Variants in CHRDL1 observed in about 807,000 individuals in gnomAD.
CHRDL1 encodes the protein chordin-like protein 1.
A neutral mutation model predicts 40.9 loss-of-function variants in CHRDL1; 19 were observed. That is an observed-to-expected ratio of 0.46 (90% CI 0.32 to 0.68). The LOEUF is 0.68. Ranked by LOEUF, CHRDL1 falls within the 30% of genes least tolerant of loss-of-function variation. CHRDL1 has a pLI of 0.03. For synonymous variants in CHRDL1, 136 were observed against 123.4 expected (o/e 1.10, Z -0.68); for missense variants, 329 against 352.1 (o/e 0.93, Z 0.53).
intron 4 of CHRDL1, among the ~76,000 whole-genome samples, chrX:110,737,577 C>T (rs2071284320): frequency 8.9e-6 from 1 of 112,005 alleles, no homozygotes. Context: ...TCATCTTATT[C>T]AGAACCTTCA....
chrX:110,689,564 A>C (rs779287413), intron 8 of CHRDL1, among the ~76,000 whole-genome samples: 37 of 18,933 alleles, frequency 2.0e-3, no homozygotes, highest in South Asian at 4.4e-3. Context: ...CTATATATCT[A>C]TATATATCTA....
rs757115663 is a variant in CHRDL1 at position 110,698,085 on chromosome X, A to G, written c.609+2569T>C. ...CCAGTCAGCTGTATTTCTGTTGAAC[A>G]GAGGTTTTGCTGGTTCCCGGTAAAT... On this transcript the variant is annotated intron_variant, in intron 7 of 11. Transcript: ENST00000372042. 1.5e-4 allele frequency among the ~76,000 whole-genome samples: 17 copies of G among 111,713 alleles called. No homozygotes were observed. The South Asian group carries it at 6.4e-3, about 42-fold the overall frequency.
chrX:110,737,896 G>A (rs911067148), intron 4 of CHRDL1, among the ~76,000 whole-genome samples: 4 of 111,457 alleles, frequency 3.6e-5, no homozygotes, highest in Non-Finnish European at 7.5e-5. Context: ...TTTCCCCAGG[G>A]GACATTTGGC....
chrX:110,766,666 A>G (rs963802448), intron 2 of CHRDL1, among the ~76,000 whole-genome samples: 8 of 103,139 alleles, frequency 7.8e-5, no homozygotes, highest in Non-Finnish European at 9.8e-5. Flanking sequence ...TGAACAAACC[A>G]ATAACAAGCA....
chrX:110,681,470 T>A lies in CHRDL1; in HGVS notation c.1156+12A>T, dbSNP rs754486305. On this transcript the variant is annotated intron_variant, in intron 10 of 11. Transcript: ENST00000372042. ...CCTTACAAAGATGAGAAATTAATGTTGTCTTGCTCACCCTTTCGAATAGTC... is the reference window on the plus strand; with the variant it reads ...CCTTACAAAGATGAGAAATTAATGTAGTCTTGCTCACCCTTTCGAATAGTC... The A allele has an allele frequency of 6.7e-6, 8 of 1,191,965 alleles. No individual in the cohort carries two copies. Among genetic ancestry groups the A allele is most frequent in the Non-Finnish European group, 1.1e-6 (1 of 881,905 alleles).
intron 4 of CHRDL1, among the ~76,000 whole-genome samples, chrX:110,741,400 C>G (rs1386313259): frequency 9.0e-6 from 1 of 111,626 alleles, no homozygotes; most frequent in Non-Finnish European, 1.9e-5. Context: ...TAAGTGCTTG[C>G]TCAAAATGAT....
chrX:110,721,117 G>A (rs767374138), intron 5 of CHRDL1, among the ~76,000 whole-genome samples: 4 of 111,739 alleles, frequency 3.6e-5, no homozygotes, highest in South Asian at 7.6e-4. Context: ...GAAAAGGAGC[G>A]CCGATCAACA....
intron 4 of CHRDL1, among the ~76,000 whole-genome samples, chrX:110,733,519 T>C (rs2071205420): frequency 9.0e-6 from 1 of 111,705 alleles, no homozygotes. Context: ...TAGCACCTAA[T>C]ATAAAGTGTG....
rs1569461573 is a variant in CHRDL1, at chrX:110,689,484, C to CTATCTA, written c.779-682_779-681insTAGATA. Among the ~76,000 whole-genome samples, 21 of 34,233 alleles carry CTATCTA rather than the reference C, an allele frequency of 6.1e-4. 1 individual carries two copies. The African/African-American group carries it at 7.8e-3, about 13-fold the overall frequency. 29.7% of individuals were successfully genotyped at this position (34,233 alleles called of 115,157 possible). A position where few individuals can be genotyped will look rare whatever the true frequency, so the allele number is the denominator to read the frequency against. On this transcript the variant is annotated intron_variant, in intron 8 of 11. Coordinates refer to ENST00000372042, the MANE Select transcript of CHRDL1 (RefSeq NM_001143981.2). ...TATATATATCTATATATCTATATAT[C>CTATCTA]TATATCTCTATATATCTATATATCT...
At chrX:110,774,555 G>A (rs2089816990) in intron 2 of CHRDL1, among the ~76,000 whole-genome samples, 1 of 110,794 alleles carries the variant, frequency 9.0e-6, no homozygotes. Flanking sequence ...CAATGCAGCA[G>A]ATATATAGGA....
intron 8 of CHRDL1, among the ~76,000 whole-genome samples, chrX:110,689,067 T>TATATATAA (rs2070091254): frequency 1.2e-4 from 2 of 16,064 alleles, no homozygotes; most frequent in African/African-American, 1.7e-3. Context: ...CATAAATATA[T>TATATATAA]ATATGTATAT....
At chrX:110,690,190 T>C (rs1399964983) in intron 8 of CHRDL1, among the ~76,000 whole-genome samples, 1 of 102,730 alleles carries the variant, frequency 9.7e-6, no homozygotes, top group Non-Finnish European at 2.0e-5. Flanking sequence ...GGACTACAGG[T>C]GCCCGCCACC....
chrX:110,782,182 G>A (rs2089957012), intron 2 of CHRDL1, among the ~76,000 whole-genome samples: 1 of 111,962 alleles, frequency 8.9e-6, no homozygotes, highest in Non-Finnish European at 1.9e-5. Context: ...TATATTTGTT[G>A]AGCATTTCCT....
Position 110,676,205 on chromosome X carries a change from A to G in CHRDL1, c.*26T>C. 1 of 1,200,157 alleles carries G rather than the reference A, an allele frequency of 8.3e-7. No homozygotes were observed. The highest frequency in any genetic ancestry group is 1.8e-5 in the South Asian group (1 of 54,968). On this transcript the variant is annotated 3_prime_UTR_variant, in exon 12 of 12. Transcript: ENST00000372042. The stretch of plus-strand genomic sequence containing the variant: ...GCTGCAGCTTGAGTTTTCTTGCTTT[A>G]CCCTATCCAATACTGTCTGTCTTGC...
At chrX:110,700,440 C>A (rs1311724765) in intron 7 of CHRDL1, among the ~76,000 whole-genome samples, 1 of 111,916 alleles carries the variant, frequency 8.9e-6, no homozygotes. Flanking sequence ...GCTATGGTTT[C>A]TTTGTGCACA....
intron 4 of CHRDL1, among the ~76,000 whole-genome samples, chrX:110,725,676 T>C (rs1177963935): frequency 8.9e-6 from 1 of 111,995 alleles, no homozygotes; most frequent in South Asian, 3.7e-4. Context: ...GAAAAGCAGC[T>C]TGTATGTCAG....
intron 4 of CHRDL1, among the ~76,000 whole-genome samples, chrX:110,734,022 G>C (rs2071219454): frequency 9.1e-6 from 1 of 109,993 alleles, no homozygotes; most frequent in Non-Finnish European, 1.9e-5. Context: ...TTAAGAGTCT[G>C]GTATTAATTT....
chrX:110,692,714 A>C (rs918925167), intron 8 of CHRDL1, among the ~76,000 whole-genome samples: 1 of 112,591 alleles, frequency 8.9e-6, no homozygotes, highest in African/African-American at 3.2e-5. Context: ...ATCGATAGTA[A>C]GTATTTCCAA....
intron 6 of CHRDL1, among the ~76,000 whole-genome samples, chrX:110,713,868 A>T (rs967473020): frequency 1.8e-5 from 2 of 110,808 alleles, no homozygotes; most frequent in African/African-American, 6.6e-5. Context: ...GTTAATACCT[A>T]CCCCAAATAC....
Sources: gnomAD v4.1 joint callset for allele counts (sites outside exome capture counted in the v4.1 genomes callset) on GRCh38, gnomAD v4.1.1 for gene constraint, MANE v1.5 for transcripts, NCBI Gene and HGNC (gene_info 2026-07-23, HGNC 2026-07-21) for gene names.